HDAC9: variants seen among roughly 807,000 people sequenced by gnomAD.
The protein encoded by HDAC9 is MEF-2 interacting transcription repressor (MITR) protein.
In HDAC9, 41 loss-of-function variants were observed where a neutral mutation model predicts 139.4. The ratio of observed to expected loss-of-function variants is 0.29; its 90% CI spans 0.23 to 0.38. The LOEUF (loss-of-function observed/expected upper bound fraction) is 0.38, where lower values mean the gene tolerates loss of function less well. HDAC9 is among the 10% of genes least tolerant of loss of function. HDAC9 has a pLI of 1.00. For synonymous variants in HDAC9, 517 were observed against 476.2 expected (o/e 1.09, Z -1.12); for missense variants, 1,147 against 1,297.0 (o/e 0.88, Z 1.78).
At chr7:18,409,447 T>G (rs1213887440) in intron 1 of HDAC9, among the ~76,000 whole-genome samples, 1 of 152,168 alleles carries the variant, frequency 6.6e-6, no homozygotes, top group Non-Finnish European at 1.5e-5. Flanking sequence ...GTGTAATGCT[T>G]ATAGACAAGC....
At chr7:18,718,379 A>G (rs1784870558) in intron 12 of HDAC9, among the ~76,000 whole-genome samples, 1 of 151,804 alleles carries the variant, frequency 6.6e-6, no homozygotes. Flanking sequence ...TTACAGGTGC[A>G]CGGTGCCACG....
At chr7:18,869,632 G>C (rs1410473480) in intron 21 of HDAC9, among the ~76,000 whole-genome samples, 1 of 152,152 alleles carries the variant, frequency 6.6e-6, no homozygotes, top group Non-Finnish European at 1.5e-5. Context: ...ACTATCTCCA[G>C]GTAGATAGCG....
chr7:18,896,682 T>A (rs1368812559), intron 22 of HDAC9, among the ~76,000 whole-genome samples: 1 of 152,090 alleles, frequency 6.6e-6, no homozygotes, highest in Admixed American at 6.6e-5. Context: ...ATTTTAACAA[T>A]GTGTTATAAG....
chr7:18,298,287 T>C (rs865810155), intron 1 of HDAC9, among the ~76,000 whole-genome samples: 3,186 of 149,892 alleles, frequency 0.021, 98 homozygotes, highest in African/African-American at 0.069. Context: ...TATGTTTTTT[T>C]TTTTTTTTTT....
At chr7:18,112,435 C>T (rs562424882) in intron 1 of HDAC9, among the ~76,000 whole-genome samples, 12 of 152,242 alleles carry the variant, frequency 7.9e-5, no homozygotes, top group East Asian at 3.9e-4. Context: ...AATGGTCTTT[C>T]GGTACTTGTG....
chr7:18,636,941 A>C (rs1033562990), intron 8 of HDAC9, among the ~76,000 whole-genome samples: 5 of 152,030 alleles, frequency 3.3e-5, no homozygotes, highest in African/African-American at 1.2e-4. Context: ...ATTCTTAGTA[A>C]CTGCAAAAAC....
intron 12 of HDAC9, among the ~76,000 whole-genome samples, chr7:18,705,197 G>A (rs1783789177): frequency 1.3e-5 from 2 of 152,172 alleles, no homozygotes; most frequent in South Asian, 4.1e-4. Context: ...CTCAGCCTAA[G>A]CACTAATGAC....
chr7:18,769,771 G>T (rs995822640), intron 16 of HDAC9, among the ~76,000 whole-genome samples: 1 of 152,110 alleles, frequency 6.6e-6, no homozygotes, highest in African/African-American at 2.4e-5. Flanking sequence ...ATCCCAGACA[G>T]ATTAGCTATA....
chr7:18,790,483 C>A (rs150116518), intron 16 of HDAC9, among the ~76,000 whole-genome samples: 1 of 152,224 alleles, frequency 6.6e-6, no homozygotes, highest in African/African-American at 2.4e-5. Context: ...TGGGTTGGCA[C>A]CTTTATCTTG....
chr7:18,833,320 A>G (rs1226739856), intron 19 of HDAC9, among the ~76,000 whole-genome samples: 1 of 152,224 alleles, frequency 6.6e-6, no homozygotes, highest in Non-Finnish European at 1.5e-5. Context: ...ATCATTTTAT[A>G]TTTGACTGTT....
intron 1 of HDAC9, among the ~76,000 whole-genome samples, chr7:18,413,526 C>T (rs188178157): frequency 6.6e-6 from 1 of 152,086 alleles, no homozygotes; most frequent in African/African-American, 2.4e-5. Context: ...CTGTTTATTA[C>T]TACATCAACA....
intron 2 of HDAC9, among the ~76,000 whole-genome samples, chr7:18,520,714 A>G (rs1804758768): frequency 6.6e-6 from 1 of 152,196 alleles, no homozygotes; most frequent in Non-Finnish European, 1.5e-5. Flanking sequence ...AATGTCTTGG[A>G]AACAGTTACC....
intron 1 of HDAC9, among the ~76,000 whole-genome samples, chr7:18,316,789 C>A (rs938834889): frequency 6.6e-6 from 1 of 151,934 alleles, no homozygotes; most frequent in Admixed American, 6.6e-5. Context: ...TGTATTCCAG[C>A]CTGGGTGACA....
intron 2 of HDAC9, among the ~76,000 whole-genome samples, chr7:18,525,219 C>T (rs1586667263): frequency 6.6e-6 from 1 of 151,650 alleles, no homozygotes; most frequent in African/African-American, 2.4e-5. Context: ...GTGTTGACAG[C>T]TGAAAAAACA....
intron 22 of HDAC9, among the ~76,000 whole-genome samples, chr7:18,912,742 A>G (rs1802850272): frequency 6.6e-6 from 1 of 152,126 alleles, no homozygotes; most frequent in Admixed American, 6.6e-5. Flanking sequence ...AAAAACAAAA[A>G]TGAGACAACT....
chr7:18,196,561 G>A (rs1446647834), intron 2 of HDAC9, among the ~76,000 whole-genome samples: 8 of 151,938 alleles, frequency 5.3e-5, no homozygotes. Flanking sequence ...ATGAGATGAT[G>A]GAAGAAAAAG....
intron 13 of HDAC9, among the ~76,000 whole-genome samples, chr7:18,743,853 T>G (rs1787681472): frequency 6.6e-6 from 1 of 151,872 alleles, no homozygotes; most frequent in Non-Finnish European, 1.5e-5. Flanking sequence ...TCAGAATAGC[T>G]TTTTTTATCT....
chr7:18,772,487 G>A (rs938817563), intron 16 of HDAC9, among the ~76,000 whole-genome samples: 1 of 151,890 alleles, frequency 6.6e-6, no homozygotes, highest in Non-Finnish European at 1.5e-5. Flanking sequence ...AAGAGGAGGG[G>A]GTAGCATCTG....
chr7:18,355,982 T>C (rs922849347), intron 1 of HDAC9, among the ~76,000 whole-genome samples: 3 of 152,152 alleles, frequency 2.0e-5, no homozygotes, highest in African/African-American at 7.2e-5. Context: ...TGTTCCAAAA[T>C]TGGATTATAG....
Sources: gnomAD v4.1 joint callset for allele counts (sites outside exome capture counted in the v4.1 genomes callset) on GRCh38, gnomAD v4.1.1 for gene constraint, MANE v1.5 for transcripts, NCBI Gene and HGNC (gene_info 2026-07-23, HGNC 2026-07-21) for gene names.